DCBLD2: variants seen among roughly 807,000 people sequenced by gnomAD.
The protein encoded by DCBLD2 is discoidin, CUB and LCCL domain containing 2.
In DCBLD2, 54 loss-of-function variants were observed where a neutral mutation model predicts 86.8. That is an observed-to-expected ratio of 0.62 (90% CI 0.50 to 0.78). The LOEUF (loss-of-function observed/expected upper bound fraction) is 0.78. DCBLD2 is among the 30% of genes least tolerant of loss of function. DCBLD2 has a pLI of 0.00. For synonymous variants in DCBLD2, 354 were observed against 341.3 expected (o/e 1.04, Z -0.41); for missense variants, 908 against 954.2 (o/e 0.95, Z 0.64).
At chr3:98,868,579 C>A (rs547591787) in intron 2 of DCBLD2, among the ~76,000 whole-genome samples, 3 of 152,094 alleles carry the variant, frequency 2.0e-5, no homozygotes, top group Admixed American at 2.0e-4. Context: ...GTACAGTGTA[C>A]CCAACAGGTG....
At chr3:98,844,620 C>T (rs913818765) in intron 3 of DCBLD2, among the ~76,000 whole-genome samples, 2 of 152,104 alleles carry the variant, frequency 1.3e-5, no homozygotes, top group African/African-American at 4.8e-5. Flanking sequence ...GCTTCGGCCT[C>T]CCAAAGTGCT....
chr3:98,808,988 G>A (rs1001688978), intron 12 of DCBLD2, among the ~76,000 whole-genome samples: 2 of 152,068 alleles, frequency 1.3e-5, no homozygotes, highest in Admixed American at 6.6e-5. Flanking sequence ...TCCAGCAATT[G>A]AAATGACGTT....
intron 1 of DCBLD2, among the ~76,000 whole-genome samples, chr3:98,893,135 T>C (rs1943692085): frequency 6.6e-6 from 1 of 152,128 alleles, no homozygotes; most frequent in Non-Finnish European, 1.5e-5. Context: ...CATATAAAAA[T>C]GGAAATTTTA....
intron 3 of DCBLD2, among the ~76,000 whole-genome samples, chr3:98,839,168 T>TTTCTTTCTTTCC (rs1559781559): frequency 7.6e-4 from 45 of 58,956 alleles, no homozygotes; most frequent in African/African-American, 2.1e-3. Flanking sequence ...TCTTTCTTTC[T>TTTCTTTCTTTCC]TTCCTTTCTT....
chr3:98,896,178 GA>G, intron 1 of DCBLD2, among the ~76,000 whole-genome samples: 1 of 152,190 alleles, frequency 6.6e-6, no homozygotes, highest in Non-Finnish European at 1.5e-5. Context: ...GTAGCCCTTG[GA>G]AATCATGAGT....
At chr3:98,835,692 G>A (rs1942427375) in intron 3 of DCBLD2, among the ~76,000 whole-genome samples, 1 of 147,910 alleles carries the variant, frequency 6.8e-6, no homozygotes, top group African/African-American at 2.5e-5. Flanking sequence ...TGGGACTACA[G>A]GCACGTGCCA....
Position 98,822,310 on chromosome 3 carries a change from A to G in DCBLD2, c.748T>C (p.Leu250=). The change falls in exon 6 of 16, where the codon TTG becomes CTG. Residue 250 remains leucine (L), a synonymous_variant. Transcript: ENST00000326840. ...GVHAGVVSNT[L]GGQISVVISK... ...ATTACAACACTGATTTGGCCGCCCA[A>G]CGTGTTTGACACTACTCCTGCATGC... 6.2e-7 allele frequency: 1 copy of G among 1,614,014 alleles called. No individual in the cohort carries two copies. Among genetic ancestry groups the G allele is most frequent in the South Asian group, 1.1e-5 (1 of 91,088 alleles).
rs1941684921 is a variant in DCBLD2, at chr3:98,799,828, T to C, written c.1872A>G (p.Pro624=). Residue 624 remains proline (P), a synonymous_variant, in exon 16 of 16, where the codon CCA becomes CCG. Coordinates refer to ENST00000326840, the MANE Select transcript of DCBLD2 (RefSeq NM_080927.4). ...LQADSAEYAQ[P]LVGGIVGTLH... is the part of the protein sequence containing the mutation. ...GTGTACCAACAATTCCTCCTACCAG[T>C]GGCTGAGCATACTCTGTGGATATCA... 7.4e-6 allele frequency: 12 copies of C among 1,611,122 alleles called. No individual in the cohort carries two copies. Among genetic ancestry groups the C allele is most frequent in the Non-Finnish European group, 1.0e-5 (12 of 1,178,224 alleles).
chr3:98,801,535 A>T, intron 14 of DCBLD2, 65 bp downstream of exon 14: 1 of 1,328,096 alleles, frequency 7.5e-7, no homozygotes, highest in Non-Finnish European at 1.1e-6. Flanking sequence ...TTTTTTCACT[A>T]CTGCCCCCTG....
Position 98,797,722 on chromosome 3 carries a change from G to A in DCBLD2, c.*1650C>T, listed in dbSNP as rs913361753. 3 of 152,156 alleles carry A rather than the reference G, an allele frequency of 2.0e-5. No homozygotes were observed. The highest frequency in any genetic ancestry group is 2.9e-5 in the Non-Finnish European group (2 of 68,014). 9.4% of individuals were successfully genotyped at this position (152,156 alleles called of 1,614,324 possible). On this transcript the variant is annotated 3_prime_UTR_variant, in exon 16 of 16. Coordinates refer to ENST00000326840, the MANE Select transcript of DCBLD2 (RefSeq NM_080927.4). ...GACAGGAAGCCTGCAGAAATAAACA[G>A]TTCTCTTTCTGAAGCGATGTTTTAG...
At chr3:98,862,153 C>A (rs114968230) in intron 2 of DCBLD2, among the ~76,000 whole-genome samples, 15,232 of 152,132 alleles carry the variant, frequency 0.1, 932 homozygotes, top group Middle Eastern at 0.16. Context: ...GACATGCACA[C>A]CCTCCCAAGA....
At chr3:98,862,887 A>T (rs1200026548) in intron 2 of DCBLD2, among the ~76,000 whole-genome samples, 4 of 152,178 alleles carry the variant, frequency 2.6e-5, no homozygotes, top group African/African-American at 9.7e-5. Flanking sequence ...CAGGCAGGAG[A>T]AAGAAATAAA....
At chr3:98,883,650 A>G (rs1943512430) in intron 1 of DCBLD2, among the ~76,000 whole-genome samples, 1 of 152,188 alleles carries the variant, frequency 6.6e-6, no homozygotes, top group Admixed American at 6.5e-5. Flanking sequence ...AGCATTCCAT[A>G]ACAATAAGAT....
chr3:98,872,903 T>C (rs1485405531), intron 2 of DCBLD2, among the ~76,000 whole-genome samples: 2 of 152,144 alleles, frequency 1.3e-5, no homozygotes, highest in African/African-American at 4.8e-5. Context: ...GGATTTAACT[T>C]AGACATTAAA....
intron 2 of DCBLD2, among the ~76,000 whole-genome samples, chr3:98,864,207 G>A (rs969835166): frequency 6.6e-6 from 1 of 152,174 alleles, no homozygotes; most frequent in Non-Finnish European, 1.5e-5. Context: ...GGAAATAACA[G>A]GTGCTGGAGA....
intron 3 of DCBLD2, among the ~76,000 whole-genome samples, chr3:98,830,112 G>A (rs1425362969): frequency 1.3e-5 from 2 of 152,100 alleles, no homozygotes; most frequent in Admixed American, 1.3e-4. Flanking sequence ...ACTTGTTTAA[G>A]TTCCTTATTG....
intron 2 of DCBLD2, among the ~76,000 whole-genome samples, chr3:98,870,762 AAAG>A: frequency 1.5e-5 from 2 of 132,118 alleles, no homozygotes; most frequent in Non-Finnish European, 3.3e-5. Context: ...AGAAAGAAAG[AAAG>A]AAAGAAAGAA....
chr3:98,799,271 G>A lies in DCBLD2; in HGVS notation c.*101C>T. Reference sequence around the variant, plus strand: ...CACCACATTTTCCCCAACCACTTCAGTGACAGTTATGTAATACATTCTATA... The same window carrying A: ...CACCACATTTTCCCCAACCACTTCAATGACAGTTATGTAATACATTCTATA... On this transcript the variant is annotated 3_prime_UTR_variant, in exon 16 of 16. Coordinates refer to ENST00000326840, the MANE Select transcript of DCBLD2 (RefSeq NM_080927.4). 7.9e-7 allele frequency: 1 copy of A among 1,271,028 alleles called. No homozygotes were observed. Among genetic ancestry groups the A allele is most frequent in the Non-Finnish European group, 1.1e-6 (1 of 925,976 alleles). 78.7% of individuals were successfully genotyped at this position (1,271,028 alleles called of 1,614,324 possible).
chr3:98,800,947 T>A (rs2107416863), intron 14 of DCBLD2, among the ~76,000 whole-genome samples: 1 of 151,996 alleles, frequency 6.6e-6, no homozygotes, highest in Admixed American at 6.6e-5. Context: ...TCACTGTTAG[T>A]ATAGTACAGC....
Sources: allele counts gnomAD v4.1 joint callset (sites outside exome capture counted in the v4.1 genomes callset), GRCh38; gene constraint gnomAD v4.1.1; transcripts MANE v1.5; gene names NCBI Gene and HGNC (gene_info 2026-07-23, HGNC 2026-07-21).